The following CATIP variants were observed in gnomAD, a reference collection of about 807,000 sequenced individuals.
CATIP encodes ciliogenesis associated TTC17 interacting protein.
CATIP carries 40 observed loss-of-function variants against 42.5 expected under a neutral mutation model. The ratio of observed to expected loss-of-function variants is 0.94; its 90% CI spans 0.73 to 1.22. CATIP has a LOEUF of 1.22. Ranked by LOEUF, CATIP falls within the 50% of genes most tolerant of loss-of-function variation. The pLI, the probability that CATIP is intolerant of heterozygous loss-of-function variation, is 0.00. For synonymous variants in CATIP, 222 were observed against 200.2 expected (o/e 1.11, Z -0.92); for missense variants, 489 against 496.0 (o/e 0.99, Z 0.13).
rs754616470 is a variant in CATIP at position 218,364,661 on chromosome 2, C to T, written c.664C>T (p.His222Tyr). 215 of 1,613,978 alleles carry T rather than the reference C, an allele frequency of 1.3e-4. No homozygotes were observed. Among genetic ancestry groups the T allele is most frequent in the Non-Finnish European group, 1.7e-4 (201 of 1,179,986 alleles). The change falls in exon 7 of 10, where the codon CAT (histidine) becomes TAT (tyrosine). Residue 222 changes from histidine to tyrosine, a missense_variant. Physicochemically the swap from His to Tyr is moderately conservative, Grantham distance 83. Transcript: ENST00000289388. ...NLGFQTIQVD[H>Y]QQAEVFIVEQ... ...GGGCTTCCAGACCATCCAGGTAGAC[C>T]ATCAGCAGGCTGAAGTCTTCATCGT...
Position 218,367,955 on chromosome 2 carries a change from G to C in CATIP, c.1155G>C (p.Gly385=). ...AGCCGGAGGGAGACGCCCGCTCGGG[G>C]GCGGCCTAAGCGGGGCCCAGGCCCG... The part of the protein sequence containing the change: ...SLEPEGDARS[G]AA Residue 385 remains glycine (G), a synonymous_variant, in exon 10 of 10, where the codon GGG becomes GGC. Coordinates refer to ENST00000289388, the MANE Select transcript of CATIP (RefSeq NM_198559.2). 6.3e-7 allele frequency: 1 copy of C among 1,582,626 alleles called. No homozygotes were observed. The highest frequency in any genetic ancestry group is 2.3e-5 in the East Asian group (1 of 43,440).
chr2:218,357,500 G>T (rs1463868166), intron 2 of CATIP, 34 bp from the exon 3 acceptor site: 1 of 1,583,942 alleles, frequency 6.3e-7, no homozygotes, highest in African/African-American at 1.3e-5. Flanking sequence ...CAGGAGCAGG[G>T]GCTTTATCTG....
chr2:218,363,168 G>A (rs1015737377), intron 6 of CATIP, among the ~76,000 whole-genome samples: 2 of 152,098 alleles, frequency 1.3e-5, no homozygotes, highest in African/African-American at 4.8e-5. Flanking sequence ...TAAATATAGT[G>A]CAGGGCTGAT....
intron 5 of CATIP, among the ~76,000 whole-genome samples, chr2:218,360,955 C>T (rs1284947772): frequency 6.6e-6 from 1 of 151,752 alleles, no homozygotes; most frequent in East Asian, 2.0e-4. Context: ...CTCAGCCTCC[C>T]GAGTAGCTGG....
At chr2:218,358,152 A>G (rs1406668431) in intron 4 of CATIP, 60 bp downstream of exon 4, 2 of 1,431,480 alleles carry the variant, frequency 1.4e-6, no homozygotes, top group Non-Finnish European at 1.9e-6. Context: ...ATTTTGACTT[A>G]AAAAACAGCA....
rs2106320261 is a variant in CATIP, at chr2:218,367,422, C to T, written c.833-8C>T. The T allele has an allele frequency of 6.2e-7, 1 of 1,613,784 alleles. No homozygotes were observed. The highest frequency in any genetic ancestry group is 8.5e-7 in the Non-Finnish European group (1 of 1,179,696). On this transcript the variant is annotated splice_polypyrimidine_tract_variant and splice_region_variant and intron_variant, in intron 8 of 9. Coordinates refer to ENST00000289388, the MANE Select transcript of CATIP (RefSeq NM_198559.2). ...AGGGACGCCCAGCCTTCCTTGTTCC[C>T]CACCTAGATGAGATTGAGCCACGCC...
intron 4 of CATIP, among the ~76,000 whole-genome samples, chr2:218,360,117 C>T (rs1333976546): frequency 6.6e-6 from 1 of 150,780 alleles, no homozygotes; most frequent in East Asian, 2.0e-4. Context: ...TGAGCCACAA[C>T]ACCTGGCCCT....
chr2:218,358,007 G>A (rs748179320), intron 3 of CATIP, 30 bp from the exon 4 acceptor site: 2 of 1,608,034 alleles, frequency 1.2e-6, no homozygotes, highest in South Asian at 2.2e-5. Flanking sequence ...CATCTCCTGT[G>A]ACGTCAATGC....
chr2:218,363,917 G>A (rs538624600), intron 6 of CATIP, among the ~76,000 whole-genome samples: 4 of 152,134 alleles, frequency 2.6e-5, no homozygotes, highest in Admixed American at 1.3e-4. Flanking sequence ...AGGGTGTTCC[G>A]TTTTTGTTTT....
In CATIP at chr2:218,367,457, A is replaced by G. The variant is rs766818820; in HGVS notation, c.860A>G (p.Glu287Gly). Residue 287 changes from glutamate to glycine, a missense_variant, in exon 9 of 10, where the codon GAG becomes GGG. By Grantham distance (98) the Glu-to-Gly change is moderately conservative. Coordinates refer to ENST00000289388, the MANE Select transcript of CATIP (RefSeq NM_198559.2). ...GAGATTGAGCCACGCCCAGTGTTTG[A>G]GAAGAAGCCCCTGGTATGGGAGGAG... ...EDEIEPRPVF[E>G]KKPLVWEEDM... The G allele has an allele frequency of 6.2e-7, 1 of 1,614,084 alleles. No homozygotes were observed.
At chr2:218,360,446 G>A (rs944038023) in intron 4 of CATIP, 127 bp from the exon 5 acceptor site, 11 of 699,808 alleles carry the variant, frequency 1.6e-5, no homozygotes, top group Admixed American at 5.1e-5. Flanking sequence ...CACTGTGCCC[G>A]GCCCGGCTGC....
At chr2:218,361,331 G>A (rs55705029) in intron 5 of CATIP, among the ~76,000 whole-genome samples, 3,341 of 151,192 alleles carry the variant, frequency 0.022, 113 homozygotes, top group African/African-American at 0.076. Context: ...CTGAGATCAC[G>A]CCACTGCACT....
rs1002344706 is a variant in CATIP at position 218,357,712 on chromosome 2, G to A, written c.297G>A (p.Met99Ile). Residue 99 changes from methionine to isoleucine, a missense_variant, in exon 3 of 10, where the codon ATG (methionine) becomes ATA (isoleucine). Met to Ile is a conservative substitution (Grantham distance 10). Transcript: ENST00000289388. ...CTAGCCGAGGCTTCTTGGACAAAAT[G>A]CTCTGCGGAAATTCCCTCCTGGGTA... ...HASSRGFLDK[M>I]LCGNSLLGYL... 3.1e-6 allele frequency: 5 copies of A among 1,613,732 alleles called. No homozygotes were observed. In the Admixed American group the frequency reaches 8.3e-5, roughly 27 times the overall value.
rs1695537274 is a variant in CATIP, at chr2:218,368,077, C to A, written c.*113C>A. The A allele has an allele frequency of 1.6e-6, 2 of 1,269,230 alleles. No individual in the cohort carries two copies. The highest frequency in any genetic ancestry group is 1.0e-6 in the Non-Finnish European group (1 of 957,832). The allele number at this position is 1,269,230 out of a possible 1,614,324, so 78.6% of individuals were successfully genotyped here. A position where few individuals can be genotyped will look rare whatever the true frequency, so the allele number is the denominator to read the frequency against. ...TGCGGTTTTGGGGGAATAAATGGGG[C>A]CCTCCCGCTTCTCTGCAGCGCCCGT... On this transcript the variant is annotated 3_prime_UTR_variant, in exon 10 of 10. Coordinates refer to ENST00000289388, the MANE Select transcript of CATIP (RefSeq NM_198559.2).
At chr2:218,357,781 C>A in intron 3 of CATIP, 47 bp downstream of exon 3, 1 of 1,550,468 alleles carries the variant, frequency 6.4e-7, no homozygotes, top group Non-Finnish European at 8.9e-7. Context: ...CTTCCTCCAA[C>A]CCTCCCCTCC....
chr2:218,360,656 T>C lies in CATIP; in HGVS notation c.459T>C (p.Gly153=), dbSNP rs1280220002. ...QLAVTRSIKE[G]EEVKTGVTSF... ...CTGTGACCAGAAGTATCAAGGAGGG[T>C]GAGGTAAGGATGAGAGCCAGATGGG... is the stretch of plus-strand genomic sequence containing the variant. The change falls in exon 5 of 10, where the codon GGT becomes GGC. Residue 153 remains glycine, a synonymous_variant. Transcript: ENST00000289388. The C allele has an allele frequency of 6.2e-7, 1 of 1,612,046 alleles. No individual in the cohort carries two copies. The highest frequency in any genetic ancestry group is 8.5e-7 in the Non-Finnish European group (1 of 1,178,874).
intron 4 of CATIP, among the ~76,000 whole-genome samples, chr2:218,358,747 G>A (rs1453929785): frequency 6.6e-6 from 1 of 151,874 alleles, no homozygotes. Context: ...AGCTGGGTGT[G>A]GTAATGTGTG....
At chr2:218,364,506 G>C in intron 6 of CATIP, 122 bp from the exon 7 acceptor site, 4 of 1,400,858 alleles carry the variant, frequency 2.9e-6, no homozygotes, top group Non-Finnish European at 3.9e-6. Context: ...TGGAGGTTTG[G>C]AGATGCAATA....
At position 218,357,835 on chromosome 2, in the gene CATIP, G is replaced by GC. The variant is rs777124954; in HGVS notation, c.319+103dup. 272 of 1,362,410 alleles carry GC rather than the reference G, an allele frequency of 2.0e-4. 1 individual carries two copies. Among genetic ancestry groups the GC allele is most frequent in the Admixed American group, 2.8e-4 (16 of 57,122 alleles). The allele number at this position is 1,362,410 out of a possible 1,614,324, so 84.4% of individuals were successfully genotyped here. The stretch of plus-strand genomic sequence containing the variant: ...TTTTCAGGACCAAGCCCTTGGCTTT[G>GC]CCTTGGACCAGGACAAGGCACGGGG... On this transcript the variant is annotated intron_variant, in intron 3 of 9. Coordinates refer to ENST00000289388, the MANE Select transcript of CATIP (RefSeq NM_198559.2).
Sources: gnomAD v4.1 joint callset for allele counts (sites outside exome capture counted in the v4.1 genomes callset) on GRCh38, gnomAD v4.1.1 for gene constraint, MANE v1.5 for transcripts, NCBI Gene and HGNC (gene_info 2026-07-23, HGNC 2026-07-21) for gene names.